The following CDH8 variants were observed in gnomAD, a reference collection of about 807,000 sequenced individuals.
The protein encoded by CDH8 is cadherin 8.
In CDH8, 17 loss-of-function variants were observed where a neutral mutation model predicts 68.1. That is an observed-to-expected ratio of 0.25 (90% CI 0.17 to 0.37). The LOEUF (loss-of-function observed/expected upper bound fraction) is 0.37. CDH8 is among the 10% of genes least tolerant of loss of function. The pLI is 1.00. For missense variants in CDH8, 763 were observed against 999.3 expected (o/e 0.76, Z 3.19); for synonymous variants, 372 against 365.1 (o/e 1.02, Z -0.21).
chr16:61,999,984 CCA>C (rs978946871), intron 2 of CDH8, among the ~76,000 whole-genome samples: 1 of 151,910 alleles, frequency 6.6e-6, no homozygotes, highest in Non-Finnish European at 1.5e-5. Flanking sequence ...CTGGCAGACC[CCA>C]GTGTGTGATG....
chr16:61,671,290 T>A (rs1356922229), intron 10 of CDH8, among the ~76,000 whole-genome samples: 1 of 152,018 alleles, frequency 6.6e-6, no homozygotes, highest in Non-Finnish European at 1.5e-5. Context: ...CCTTTCACCG[T>A]ATTCCATTTC....
At chr16:61,820,191 A>G (rs899641164) in intron 6 of CDH8, among the ~76,000 whole-genome samples, 7 of 151,810 alleles carry the variant, frequency 4.6e-5, no homozygotes, top group African/African-American at 1.7e-4. Flanking sequence ...GATGAGATTC[A>G]TTTCCCATAA....
At chr16:61,895,918 A>G (rs1017735158) in intron 3 of CDH8, among the ~76,000 whole-genome samples, 6 of 152,174 alleles carry the variant, frequency 3.9e-5, no homozygotes, top group Admixed American at 3.9e-4. Context: ...GAGATAGAGA[A>G]AGTCAAGCTT....
chr16:61,794,180 A>C (rs1596973552), intron 7 of CDH8, among the ~76,000 whole-genome samples: 1 of 151,884 alleles, frequency 6.6e-6, no homozygotes, highest in East Asian at 1.9e-4. Context: ...CTTTTCTCAC[A>C]AACTCTGCTC....
intron 2 of CDH8, among the ~76,000 whole-genome samples, chr16:61,922,428 C>A (rs1964384803): frequency 6.6e-6 from 1 of 152,146 alleles, no homozygotes. Context: ...AGGCAACCAT[C>A]TCTTTATTAT....
intron 1 of CDH8, among the ~76,000 whole-genome samples, chr16:62,029,178 T>C (rs1428175097): frequency 1.3e-5 from 2 of 152,204 alleles, no homozygotes; most frequent in African/African-American, 4.8e-5. Flanking sequence ...AAGGAAGAAA[T>C]AAATAAGGTA....
intron 3 of CDH8, 90 bp downstream of exon 3, chr16:61,901,089 G>T (rs1402249625): frequency 2.6e-6 from 3 of 1,172,004 alleles, no homozygotes; most frequent in Non-Finnish European, 3.7e-6. Context: ...GGTAATAAAT[G>T]TCTTTCATTC....
Position 61,960,413 on chromosome 16 carries a change from G to A in CDH8, c.253-58940C>T, listed in dbSNP as rs200891240. On this transcript the variant is annotated intron_variant, in intron 2 of 11. Transcript: ENST00000577390. ...TATACACATACATATATACATATAT[G>A]TGTGTGTGTATACACATACATATGT... Among the ~76,000 whole-genome samples, 3 of 136,334 alleles carry A rather than the reference G, an allele frequency of 2.2e-5. 1 individual carries two copies. Among genetic ancestry groups the A allele is most frequent in the Non-Finnish European group, 4.8e-5 (3 of 62,984 alleles). The allele number at this position is 136,334 out of a possible 152,430, so 89.4% of individuals were successfully genotyped here. A position where few individuals can be genotyped will look rare whatever the true frequency, so the allele number is the denominator to read the frequency against.
At chr16:61,740,866 T>A (rs1178683330) in intron 8 of CDH8, among the ~76,000 whole-genome samples, 1 of 152,154 alleles carries the variant, frequency 6.6e-6, no homozygotes, top group Non-Finnish European at 1.5e-5. Context: ...ATATGTCTTC[T>A]GATGCAAAAA....
At chr16:61,875,800 G>C (rs754856244) in intron 3 of CDH8, among the ~76,000 whole-genome samples, 6 of 152,094 alleles carry the variant, frequency 3.9e-5, no homozygotes, top group Non-Finnish European at 8.8e-5. Flanking sequence ...TTTCATCCAA[G>C]GCTTTCCATC....
intron 7 of CDH8, among the ~76,000 whole-genome samples, chr16:61,791,785 T>G (rs979418336): frequency 6.6e-6 from 1 of 152,056 alleles, no homozygotes; most frequent in Admixed American, 6.6e-5. Flanking sequence ...ATGTTGTTGT[T>G]TGTGAATCCT....
At chr16:61,970,189 T>C (rs146554412) in intron 2 of CDH8, among the ~76,000 whole-genome samples, 1,773 of 152,308 alleles carry the variant, frequency 0.012, 13 homozygotes, top group South Asian at 0.017. Context: ...CCAAGATAAC[T>C]TGAGCTTAAT....
At chr16:61,855,964 A>G (rs1283024147) in intron 4 of CDH8, among the ~76,000 whole-genome samples, 1 of 152,128 alleles carries the variant, frequency 6.6e-6, no homozygotes, top group African/African-American at 2.4e-5. Flanking sequence ...AATGTGTTTT[A>G]CAAGAGTTCT....
rs184198561 is a variant in CDH8 at position 62,006,082 on chromosome 16, C to T, written c.252+15070G>A. 5.9e-5 allele frequency among the ~76,000 whole-genome samples: 9 copies of T among 152,288 alleles called. No individual in the cohort carries two copies. In the East Asian group the frequency reaches 9.7e-4, roughly 16 times the overall value. The stretch of plus-strand genomic sequence containing the variant: ...AATGCTGATGGATTCACAAAAGCCT[C>T]TGGTGAGGCAATATGATCACTAGAG... On this transcript the variant is annotated intron_variant, in intron 2 of 11. Coordinates refer to ENST00000577390, the MANE Select transcript of CDH8 (RefSeq NM_001796.5).
chr16:61,688,904 T>C (rs1468721009), intron 10 of CDH8, among the ~76,000 whole-genome samples: 4 of 152,018 alleles, frequency 2.6e-5, no homozygotes, highest in Non-Finnish European at 5.9e-5. Context: ...ACCAAAGCAC[T>C]GTGAGAAGGT....
intron 7 of CDH8, among the ~76,000 whole-genome samples, chr16:61,813,867 A>G (rs987647931): frequency 1.3e-5 from 2 of 152,164 alleles, no homozygotes; most frequent in Non-Finnish European, 2.9e-5. Context: ...TATACCAAGC[A>G]CTCACTAGTA....
chr16:61,873,483 C>A (rs1597033175), intron 3 of CDH8, among the ~76,000 whole-genome samples: 1 of 152,068 alleles, frequency 6.6e-6, no homozygotes, highest in Admixed American at 6.5e-5. Flanking sequence ...ATTAACATTA[C>A]TAATTAACTA....
At chr16:61,990,967 GAAAGAGAA>G (rs1033541288) in intron 2 of CDH8, among the ~76,000 whole-genome samples, 9 of 150,090 alleles carry the variant, frequency 6.0e-5, no homozygotes, top group African/African-American at 2.0e-4. Flanking sequence ...AAGAAAGAAA[GAAAGAGAA>G]AGAAAGGAAG....
intron 3 of CDH8, among the ~76,000 whole-genome samples, chr16:61,861,334 T>C (rs981156704): frequency 6.6e-6 from 1 of 152,198 alleles, no homozygotes; most frequent in Admixed American, 6.5e-5. Context: ...TTCAGATTCG[T>C]TTGTAAAGTG....
Sources: gnomAD v4.1 joint callset for allele counts (sites outside exome capture counted in the v4.1 genomes callset) on GRCh38, gnomAD v4.1.1 for gene constraint, MANE v1.5 for transcripts, NCBI Gene and HGNC (gene_info 2026-07-23, HGNC 2026-07-21) for gene names.